Variants in PAK5 observed in about 807,000 individuals in gnomAD.
The protein encoded by PAK5 is p21 (RAC1) activated kinase 5, also known as serine/threonine-protein kinase PAK 5.
PAK5 carries 16 observed loss-of-function variants against 65.9 expected under a neutral mutation model. That is an observed-to-expected ratio of 0.24 (90% CI 0.16 to 0.37). The LOEUF (loss-of-function observed/expected upper bound fraction) is 0.37, where lower values mean the gene tolerates loss of function less well. Ranked by LOEUF, PAK5 falls within the 10% of genes least tolerant of loss-of-function variation. PAK5 has a pLI of 1.00. For synonymous variants in PAK5, 371 were observed against 354.9 expected, an observed-to-expected ratio of 1.05 and a Z score of -0.51; for missense variants, 785 against 903.9, an observed-to-expected ratio of 0.87 and a Z score of 1.69.
intron 3 of PAK5, among the ~76,000 whole-genome samples, chr20:9,632,061 G>T (rs1190546380): frequency 6.6e-6 from 1 of 152,210 alleles, no homozygotes; most frequent in Non-Finnish European, 1.5e-5. Context: ...ATGAGTGGGA[G>T]TCACAGAGAG....
intron 1 of PAK5, among the ~76,000 whole-genome samples, chr20:9,734,108 A>T (rs1246213412): frequency 6.6e-6 from 1 of 152,194 alleles, no homozygotes; most frequent in Non-Finnish European, 1.5e-5. Flanking sequence ...GTAATAGGTG[A>T]ATTTATCCTG....
chr20:9,746,077 A>G (rs957263518), intron 1 of PAK5, among the ~76,000 whole-genome samples: 1 of 152,170 alleles, frequency 6.6e-6, no homozygotes, highest in Admixed American at 6.5e-5. Flanking sequence ...CCATACAGAG[A>G]ATAAAATCTT....
intron 1 of PAK5, among the ~76,000 whole-genome samples, chr20:9,728,658 A>G (rs539236653): frequency 6.6e-6 from 1 of 152,296 alleles, no homozygotes; most frequent in African/African-American, 2.4e-5. Context: ...CTGAACAGAG[A>G]AAGGATGTTA....
At chr20:9,811,672 T>A (rs1388234889) in intron 1 of PAK5, among the ~76,000 whole-genome samples, 1 of 152,200 alleles carries the variant, frequency 6.6e-6, no homozygotes, top group Non-Finnish European at 1.5e-5. Flanking sequence ...ATATTCAAAT[T>A]ATGTAGTCCA....
At chr20:9,740,793 G>A (rs1023809754) in intron 1 of PAK5, among the ~76,000 whole-genome samples, 3 of 152,208 alleles carry the variant, frequency 2.0e-5, no homozygotes, top group Non-Finnish European at 4.4e-5. Flanking sequence ...CAAGATCAAT[G>A]AGCAATAAAC....
At chr20:9,817,874 G>A (rs1364884470) in intron 1 of PAK5, among the ~76,000 whole-genome samples, 1 of 152,168 alleles carries the variant, frequency 6.6e-6, no homozygotes, top group Non-Finnish European at 1.5e-5. Context: ...CACACCTGGT[G>A]AAGGCCAGGC....
intron 5 of PAK5, among the ~76,000 whole-genome samples, 181 bp from the exon 6 acceptor site, chr20:9,563,205 A>C (rs927485174): frequency 3.9e-5 from 6 of 152,208 alleles, no homozygotes; most frequent in Non-Finnish European, 7.3e-5. Flanking sequence ...AAAGGAATCA[A>C]GGTAGCAAAT....
chr20:9,697,396 C>G (rs2047883037), intron 2 of PAK5, among the ~76,000 whole-genome samples: 1 of 151,946 alleles, frequency 6.6e-6, no homozygotes, highest in Admixed American at 6.6e-5. Flanking sequence ...GTTGTTTTAC[C>G]TGCCCCAAAT....
At chr20:9,766,498 A>G (rs1274555060) in intron 1 of PAK5, among the ~76,000 whole-genome samples, 5 of 32,690 alleles carry the variant, frequency 1.5e-4, no homozygotes, top group Non-Finnish European at 2.5e-4. Flanking sequence ...CAAGCAGAAT[A>G]TATATATATA....
intron 1 of PAK5, among the ~76,000 whole-genome samples, chr20:9,814,260 A>G (rs545776539): frequency 6.6e-6 from 1 of 152,210 alleles, no homozygotes; most frequent in Admixed American, 6.5e-5. Flanking sequence ...GAAAGATTCT[A>G]CATAGGAATT....
intron 2 of PAK5, among the ~76,000 whole-genome samples, chr20:9,682,804 G>C (rs1199895563): frequency 2.6e-5 from 4 of 152,128 alleles, no homozygotes; most frequent in African/African-American, 9.7e-5. Context: ...GGCAAGAGGG[G>C]GTTGCCATAT....
chr20:9,616,057 G>C (rs572417350), intron 3 of PAK5, among the ~76,000 whole-genome samples: 3 of 152,194 alleles, frequency 2.0e-5, no homozygotes, highest in East Asian at 1.9e-4. Context: ...CCAGTCCCAC[G>C]TCAAGGGGAG....
intron 1 of PAK5, among the ~76,000 whole-genome samples, chr20:9,757,101 C>A (rs1279662981): frequency 2.0e-5 from 3 of 152,158 alleles, no homozygotes; most frequent in Admixed American, 2.0e-4. Flanking sequence ...TCACCGAATT[C>A]TTTCCCTACC....
chr20:9,688,691 G>A (rs2047752965), intron 2 of PAK5, among the ~76,000 whole-genome samples: 1 of 151,984 alleles, frequency 6.6e-6, no homozygotes, highest in African/African-American at 2.4e-5. Flanking sequence ...AGGATGGGGT[G>A]AGGAGTGAGT....
intron 4 of PAK5, among the ~76,000 whole-genome samples, chr20:9,570,465 T>C (rs1384540245): frequency 3.9e-5 from 6 of 152,190 alleles, no homozygotes; most frequent in African/African-American, 1.4e-4. Flanking sequence ...AAAACGTGTG[T>C]GTGTGAGTGT....
At chr20:9,543,755 G>C (rs1367800342) in intron 8 of PAK5, among the ~76,000 whole-genome samples, 2 of 152,002 alleles carry the variant, frequency 1.3e-5, no homozygotes, top group African/African-American at 4.8e-5. Flanking sequence ...TCCCAAGAAG[G>C]CCCTTCCTCT....
At chr20:9,647,522 T>C (rs925656990) in intron 2 of PAK5, among the ~76,000 whole-genome samples, 1 of 152,202 alleles carries the variant, frequency 6.6e-6, no homozygotes, top group Non-Finnish European at 1.5e-5. Flanking sequence ...GTCTTATTAT[T>C]CCCTCTCTCA....
chr20:9,702,386 A>C (rs2047950621), intron 2 of PAK5, among the ~76,000 whole-genome samples: 1 of 152,160 alleles, frequency 6.6e-6, no homozygotes, highest in South Asian at 2.1e-4. Flanking sequence ...AATATTACCC[A>C]TGACCTGAGG....
intron 2 of PAK5, among the ~76,000 whole-genome samples, chr20:9,677,187 T>C (rs2047586876): frequency 6.6e-6 from 1 of 152,128 alleles, no homozygotes; most frequent in African/African-American, 2.4e-5. Context: ...TCATAATGTA[T>C]TCAGCTTTAA....
Sources: allele counts gnomAD v4.1 joint callset (sites outside exome capture counted in the v4.1 genomes callset), GRCh38; gene constraint gnomAD v4.1.1; transcripts MANE v1.5; gene names NCBI Gene and HGNC (gene_info 2026-07-23, HGNC 2026-07-21).